OAS3: variants seen among roughly 807,000 people sequenced by gnomAD.
OAS3 encodes the protein 2'-5'-oligoadenylate synthase 3.
Under a neutral mutation model 113.0 loss-of-function variants are expected in OAS3, and 107 were observed. That is an observed-to-expected ratio of 0.95 (90% CI 0.81 to 1.11). The LOEUF is 1.11. Ranked by LOEUF, OAS3 falls within the 50% of genes most tolerant of loss-of-function variation. The pLI, the probability that OAS3 is intolerant of heterozygous loss-of-function variation, is 0.00. For synonymous variants in OAS3, 552 were observed against 573.6 expected, an observed-to-expected ratio of 0.96 and a Z score of 0.54; for missense variants, 1,258 against 1,389.1, an observed-to-expected ratio of 0.91 and a Z score of 1.50.
In OAS3 at chr12:112,965,874, C is replaced by T. The variant is rs1198013325; in HGVS notation, c.2534C>T (p.Ala845Val). 2 of 1,613,716 alleles carry T rather than the reference C, an allele frequency of 1.2e-6. No homozygotes were observed. Reference protein sequence around the residue: ...KRAEIISEIRAQLEACQQERQ... With the variant: ...KRAEIISEIRVQLEACQQERQ... ...GCCGAGATCATCTCCGAGATCCGAG[C>T]CCAGCTGGAGGCATGTCAACAGGAG... Residue 845 changes from alanine (A) to valine (V), a missense_variant, in exon 12 of 16, where the codon GCC becomes GTC. Ala to Val is a moderately conservative substitution (Grantham distance 64). Transcript: ENST00000228928.
rs749236514 is a variant in OAS3, at chr12:112,949,054, T to C, written c.1223T>C (p.Leu408Pro). 6.2e-7 allele frequency: 1 copy of C among 1,614,046 alleles called. No homozygotes were observed. The highest frequency in any genetic ancestry group is 1.7e-5 in the Admixed American group (1 of 60,028). The change falls in exon 6 of 16, where the codon CTG becomes CCG. Residue 408 changes from leucine to proline, a missense_variant. Coordinates refer to ENST00000228928, the MANE Select transcript of OAS3 (RefSeq NM_006187.4). ...VPSVPGMALDLSQIPTKELDR... is the reference protein window; with the variant it reads ...VPSVPGMALDPSQIPTKELDR... Reference sequence around the variant, plus strand: ...TCTGTGCCGGGAATGGCCTTGGACCTGTCTCAGATCCCCACCAAGGAGCTG... The same window carrying C: ...TCTGTGCCGGGAATGGCCTTGGACCCGTCTCAGATCCCCACCAAGGAGCTG...
chr12:112,954,265 T>C lies in OAS3; in HGVS notation c.1657+3290T>C, dbSNP rs1197958309. Among the ~76,000 whole-genome samples the C allele has an allele frequency of 1.3e-5, 2 of 151,464 alleles. No homozygotes were observed. The highest frequency in any genetic ancestry group is 6.6e-5 in the Admixed American group (1 of 15,198). The stretch of plus-strand genomic sequence containing the variant: ...TAGGGAATCCTTTCCCCATTTCTTG[T>C]TTGTCTGTTTGTTTGTTTGTTGTTG... On this transcript the variant is annotated intron_variant, in intron 7 of 15. Transcript: ENST00000228928. The surrounding 1 kb of genome is among the most constrained non-coding windows in gnomAD (Gnocchi z 4.0).
intron 7 of OAS3, among the ~76,000 whole-genome samples, chr12:112,953,980 A>G (rs2043812641): frequency 6.7e-6 from 1 of 150,332 alleles, no homozygotes; most frequent in South Asian, 2.1e-4. Flanking sequence ...CTGTGCAGAA[A>G]CTCTTTAGTT....
At chr12:112,960,147 A>G (rs1041981212) in intron 7 of OAS3, among the ~76,000 whole-genome samples, 1 of 152,036 alleles carries the variant, frequency 6.6e-6, no homozygotes, top group African/African-American at 2.4e-5. Context: ...GGTTGGAGAA[A>G]TATTACCCTT....
chr12:112,969,432 T>C (rs1341737404), intron 14 of OAS3, 176 bp from the exon 15 acceptor site: 10 of 684,784 alleles, frequency 1.5e-5, no homozygotes, highest in Admixed American at 7.6e-5. Flanking sequence ...AAAGTGGCCA[T>C]GTGTGTCTTA....
In OAS3 at chr12:112,941,847, T is replaced by A; in HGVS notation, c.455T>A (p.Val152Asp). 6.2e-7 allele frequency: 1 copy of A among 1,614,026 alleles called. No homozygotes were observed. The highest frequency in any genetic ancestry group is 1.6e-4 in the Middle Eastern group (1 of 6,062). ...GTTAGCCTGGTGCCTGCCTTCAATG[T>A]CCTGGGTGAGGGGTTCCTAGACCAT... The part of the protein sequence containing the change: ...MDVSLVPAFN[V>D]LGQAGSGVKP... The change falls in exon 2 of 16, where the codon GTC becomes GAC. Residue 152 changes from valine (V) to aspartate (D), a missense_variant. By Grantham distance (152) the Val-to-Asp change is radical. Coordinates refer to ENST00000228928, the MANE Select transcript of OAS3 (RefSeq NM_006187.4).
In OAS3 at chr12:112,967,575, G is replaced by A. The variant is rs1291940519; in HGVS notation, c.2847G>A (p.Val949=). 2 of 1,613,498 alleles carry A rather than the reference G, an allele frequency of 1.2e-6. No homozygotes were observed. The highest frequency in any genetic ancestry group is 1.7e-5 in the Admixed American group (1 of 59,960). Residue 949 remains valine, a synonymous_variant, in exon 13 of 16, where the codon GTG becomes GTA. Transcript: ENST00000228928. ...PTKLKSLIRL[V]KHWYQQCTKI... ...AGCTGAAGAGCCTGATCCGGCTGGTGAAGCACTGGTACCAGCAGGTTCGGC... is the reference window on the plus strand; with the variant it reads ...AGCTGAAGAGCCTGATCCGGCTGGTAAAGCACTGGTACCAGCAGGTTCGGC...
rs1449337971 is a variant in OAS3, at chr12:112,941,782, G to T, written c.390G>T (p.Gln130His). 40 of 1,613,930 alleles carry T rather than the reference G, an allele frequency of 2.5e-5. No homozygotes were observed. The highest frequency in any genetic ancestry group is 3.1e-5 in the Non-Finnish European group (37 of 1,179,898). The change falls in exon 2 of 16, where the codon CAG (glutamine) becomes CAT (histidine). Residue 130 changes from glutamine (Q) to histidine (H), a missense_variant. Coordinates refer to ENST00000228928, the MANE Select transcript of OAS3 (RefSeq NM_006187.4). ...FPEQSVPGALQFRLTSVDLED... is the reference protein window; with the variant it reads ...FPEQSVPGALHFRLTSVDLED... ...AGCAGAGCGTGCCTGGGGCCCTGCA[G>T]TTCCGCCTGACATCCGTAGATCTTG...
Position 112,950,695 on chromosome 12 carries a change from G to A in OAS3, c.1377G>A (p.Gly459=). The A allele has an allele frequency of 6.2e-7, 1 of 1,613,934 alleles. No homozygotes were observed. The highest frequency in any genetic ancestry group is 8.5e-7 in the Non-Finnish European group (1 of 1,179,842). Residue 459 remains glycine, a splice_region_variant and synonymous_variant, in exon 7 of 16, where the codon GGG becomes GGA. Coordinates refer to ENST00000228928, the MANE Select transcript of OAS3 (RefSeq NM_006187.4). The part of the protein sequence containing the change: ...CVHKASRVSK[G]GSFGRGTDLR... ...CTGAGCTGTTCTTCCCTCCACAGGG[G>A]GGCTCATTTGGCCGGGGCACAGACC...
At chr12:112,967,822 C>G (rs747264924) in intron 13 of OAS3, 114 bp from the exon 14 acceptor site, 6 of 1,255,504 alleles carry the variant, frequency 4.8e-6, no homozygotes, top group Non-Finnish European at 5.4e-6. Context: ...AGGCATCTGG[C>G]ACATGTAGGT....
chr12:112,949,766 C>T (rs2043772512), intron 6 of OAS3, among the ~76,000 whole-genome samples: 1 of 152,144 alleles, frequency 6.6e-6, no homozygotes, highest in African/African-American at 2.4e-5. Flanking sequence ...CGCCTGTAAT[C>T]CTGGAACTTT....
chr12:112,961,343 G>C, intron 8 of OAS3, 97 bp downstream of exon 8: 1 of 1,126,384 alleles, frequency 8.9e-7, no homozygotes, highest in East Asian at 2.6e-5. Context: ...CCCCTCCTTT[G>C]CTTCTTATTG....
intron 14 of OAS3, among the ~76,000 whole-genome samples, chr12:112,968,452 T>TA (rs1247774497): frequency 1.3e-5 from 2 of 152,182 alleles, no homozygotes; most frequent in Non-Finnish European, 2.9e-5. Flanking sequence ...ATTTGAGACA[T>TA]AATTACGCTT....
At chr12:112,945,385 C>A (rs911761015) in intron 3 of OAS3, 1 of 154,288 alleles carries the variant, frequency 6.5e-6, no homozygotes, top group Non-Finnish European at 1.4e-5. Context: ...TTCATATTTC[C>A]TGCCATCATA....
Position 112,964,216 on chromosome 12 carries a change from AC to A in OAS3, c.2230-17del. ...GGGAGTCCCGTCTCAAGCTGGCCCC[AC>A]CTGGATTCTCTCTGCAGCCAGCCCT... On this transcript the variant is annotated intron_variant, in intron 10 of 15. Transcript: ENST00000228928. The A allele has an allele frequency of 6.4e-7, 1 of 1,567,130 alleles. No homozygotes were observed. Among genetic ancestry groups the A allele is most frequent in the African/African-American group, 1.4e-5 (1 of 73,688 alleles).
chr12:112,946,381 C>T (rs772932721), intron 3 of OAS3, among the ~76,000 whole-genome samples: 4 of 152,110 alleles, frequency 2.6e-5, no homozygotes, highest in Non-Finnish European at 4.4e-5. Flanking sequence ...GGTGAAAGGG[C>T]GACAACTTGG....
chr12:112,955,117 CTGTT>C (rs1165346835), intron 7 of OAS3, among the ~76,000 whole-genome samples: 19 of 152,274 alleles, frequency 1.2e-4, no homozygotes, highest in East Asian at 1.9e-4. Context: ...ATTTGGCTCT[CTGTT>C]TGTTTGTTAT....
intron 7 of OAS3, among the ~76,000 whole-genome samples, chr12:112,959,307 C>T (rs930555892): frequency 1.3e-5 from 2 of 151,520 alleles, no homozygotes; most frequent in African/African-American, 4.9e-5. Context: ...TGAGGCGACG[C>T]CCTGCCCTGC....
In OAS3 at chr12:112,954,281, T is replaced by TTTG. The variant is rs71445586; in HGVS notation, c.1657+3330_1657+3332dup. 6.6e-3 allele frequency among the ~76,000 whole-genome samples: 999 copies of TTTG among 151,510 alleles called. 8 individuals carry two copies. The highest frequency in any genetic ancestry group is 0.022 in the African/African-American group (918 of 41,270). On this transcript the variant is annotated intron_variant, in intron 7 of 15. Transcript: ENST00000228928. The surrounding 1 kb of genome is among the most constrained non-coding windows in gnomAD (Gnocchi z 4.0). Reference sequence around the variant, plus strand: ...CATTTCTTGTTTGTCTGTTTGTTTGTTTGTTGTTGTTGTTGTTGTTGTTGT... The same window carrying TTTG: ...CATTTCTTGTTTGTCTGTTTGTTTGTTTGTTGTTGTTGTTGTTGTTGTTGTTGT...
Sources: allele counts gnomAD v4.1 joint callset (sites outside exome capture counted in the v4.1 genomes callset), GRCh38; gene constraint gnomAD v4.1.1; non-coding constraint Gnocchi (gnomAD v3.1); transcripts MANE v1.5; gene names NCBI Gene and HGNC (gene_info 2026-07-23, HGNC 2026-07-21).